The following GTF2B variants were observed in gnomAD, a reference collection of about 807,000 sequenced individuals.
The protein encoded by GTF2B is general transcription factor IIB, also known as transcription initiation factor IIB.
Under a neutral mutation model 34.6 loss-of-function variants are expected in GTF2B, and 20 were observed. That is an observed-to-expected ratio of 0.58 (90% CI 0.41 to 0.84). GTF2B has a LOEUF of 0.84. GTF2B is among the 40% of genes least tolerant of loss of function. The probability of loss-of-function intolerance (pLI) is 0.00; values close to 1 mark genes in which losing one functional copy is unlikely to be tolerated. For missense variants in GTF2B, 237 were observed against 393.3 expected, an observed-to-expected ratio of 0.60 and a Z score of 3.36; for synonymous variants, 142 against 132.4, an observed-to-expected ratio of 1.07 and a Z score of -0.50.
chr1:88,860,275 A>G lies in GTF2B; in HGVS notation c.270T>C (p.Ala90=). ...LSTMIGKGTG[A]ASFDEFGNSK... is the part of the protein sequence containing the mutation. ...AATTGCCAAATTCGTCAAAACTTGC[A>G]GCTCCTGTGCCCTATAAAACAGTTT... The change falls in exon 4 of 7, where the codon GCT becomes GCC. Residue 90 remains alanine, a synonymous_variant. Transcript: ENST00000370500. The G allele has an allele frequency of 6.2e-7, 1 of 1,614,008 alleles. No individual in the cohort carries two copies. The highest frequency in any genetic ancestry group is 8.5e-7 in the Non-Finnish European group (1 of 1,179,906).
Position 88,863,993 on chromosome 1 carries a change from G to A in GTF2B, c.246C>T (p.Thr82=). Residue 82 remains threonine, a synonymous_variant, in exon 3 of 7, where the codon ACC becomes ACT. Transcript: ENST00000370500. ...NPLLSDGDLS[T]MIGKGTGAAS... ...ATGGACTTATTACCTTGCCAATCAT[G>A]GTAGACAAATCTCCATCACTCAGAA... 1 of 1,613,608 alleles carries A rather than the reference G, an allele frequency of 6.2e-7. No individual in the cohort carries two copies. Among genetic ancestry groups the A allele is most frequent in the Non-Finnish European group, 8.5e-7 (1 of 1,179,572 alleles).
chr1:88,868,955 G>C lies in GTF2B; in HGVS notation c.125-4841C>G, dbSNP rs537603382. On this transcript the variant is annotated intron_variant, in intron 2 of 6. Transcript: ENST00000370500. The stretch of plus-strand genomic sequence containing the variant: ...AGGGTTTCAGCGTGTTAACCAGGAT[G>C]GTCTCGATCTCCTGACCTCGTGATC... Among the ~76,000 whole-genome samples, 6 of 152,136 alleles carry C rather than the reference G, an allele frequency of 3.9e-5. No homozygotes were observed. In the East Asian group the frequency reaches 1.2e-3, roughly 29 times the overall value.
intron 6 of GTF2B, among the ~76,000 whole-genome samples, chr1:88,856,267 A>AAAAAC (rs1223889932): frequency 2.0e-5 from 2 of 102,288 alleles, no homozygotes; most frequent in Admixed American, 9.9e-5. Flanking sequence ...AGACTGTTTC[A>AAAAAC]AAAACAAAAA....
intron 3 of GTF2B, among the ~76,000 whole-genome samples, chr1:88,861,367 T>C (rs181789089): frequency 6.6e-6 from 1 of 152,274 alleles, no homozygotes; most frequent in East Asian, 1.9e-4. Flanking sequence ...GTGAGAATAT[T>C]AAATATTAAA....
intron 6 of GTF2B, 87 bp downstream of exon 6, chr1:88,857,119 A>G: frequency 7.9e-7 from 1 of 1,263,032 alleles, no homozygotes; most frequent in Admixed American, 2.1e-5. Context: ...GTTTCTTGCT[A>G]TTTACCCGGT....
At chr1:88,873,850 C>T (rs1267572169) in intron 2 of GTF2B, among the ~76,000 whole-genome samples, 1 of 152,142 alleles carries the variant, frequency 6.6e-6, no homozygotes, top group Non-Finnish European at 1.5e-5. Flanking sequence ...ACATGGCGTA[C>T]CTAGCTACAA....
At chr1:88,871,082 A>C (rs1179465878) in intron 2 of GTF2B, among the ~76,000 whole-genome samples, 1 of 151,770 alleles carries the variant, frequency 6.6e-6, no homozygotes, top group African/African-American at 2.4e-5. Flanking sequence ...TTGTATTTTT[A>C]GTAGAGACGG....
chr1:88,884,925 A>C (rs935991462), intron 2 of GTF2B, among the ~76,000 whole-genome samples: 1 of 152,260 alleles, frequency 6.6e-6, no homozygotes, highest in Non-Finnish European at 1.5e-5. Flanking sequence ...ATGGTAATAA[A>C]AACAAATAAA....
intron 2 of GTF2B, among the ~76,000 whole-genome samples, chr1:88,870,776 T>C (rs963910435): frequency 6.6e-6 from 1 of 152,194 alleles, no homozygotes; most frequent in South Asian, 2.1e-4. Flanking sequence ...TTCAACATTA[T>C]GCATACAACT....
chr1:88,890,478 T>TA (rs1380910366), intron 1 of GTF2B, among the ~76,000 whole-genome samples: 3 of 152,214 alleles, frequency 2.0e-5, no homozygotes, highest in African/African-American at 7.2e-5. Context: ...CCACAGATGA[T>TA]AGCAGGGTCA....
intron 2 of GTF2B, among the ~76,000 whole-genome samples, chr1:88,881,850 T>C (rs1488285265): frequency 6.6e-6 from 1 of 152,180 alleles, no homozygotes; most frequent in African/African-American, 2.4e-5. Context: ...TGGTTTGATA[T>C]AGCAGAAAAG....
chr1:88,889,912 T>C (rs7524858), intron 1 of GTF2B, among the ~76,000 whole-genome samples: 17,682 of 151,994 alleles, frequency 0.12, 2,479 homozygotes, highest in African/African-American at 0.34. Flanking sequence ...ACGTGGTGTG[T>C]ACCTATGGTC....
chr1:88,882,082 G>A (rs570819725), intron 2 of GTF2B, among the ~76,000 whole-genome samples: 18 of 152,194 alleles, frequency 1.2e-4, no homozygotes, highest in African/African-American at 4.1e-4. Flanking sequence ...GGTCGAGGCA[G>A]GTGGAACACT....
At chr1:88,884,764 C>T (rs958635476) in intron 2 of GTF2B, among the ~76,000 whole-genome samples, 1 of 152,210 alleles carries the variant, frequency 6.6e-6, no homozygotes, top group African/African-American at 2.4e-5. Flanking sequence ...TCCACGCTTA[C>T]TGTATTCTTT....
At chr1:88,874,502 T>A (rs1053943873) in intron 2 of GTF2B, among the ~76,000 whole-genome samples, 2 of 119,862 alleles carry the variant, frequency 1.7e-5, no homozygotes, top group African/African-American at 3.8e-5. Flanking sequence ...ATTAAATTTT[T>A]TTTTTTTTTT....
Position 88,887,572 on chromosome 1 carries a change from A to C in GTF2B, c.18-205T>G. On this transcript the variant is annotated intron_variant, in intron 1 of 6. Transcript: ENST00000370500. ...GTAACTGGCAAGTAGTTTCCACTGG[A>C]ATTCTTATTTTATTGTGGAAGGCTT... The C allele has an allele frequency of 4.1e-6, 2 of 483,496 alleles. 1 individual carries two copies. Among genetic ancestry groups the C allele is most frequent in the South Asian group, 4.3e-5 (2 of 45,988 alleles). The allele number at this position is 483,496 out of a possible 1,614,324, so 30.0% of individuals were successfully genotyped here. A position where few individuals can be genotyped will look rare whatever the true frequency, so the allele number is the denominator to read the frequency against.
intron 3 of GTF2B, among the ~76,000 whole-genome samples, chr1:88,860,559 T>TA (rs1285515791): frequency 6.6e-6 from 1 of 152,010 alleles, no homozygotes; most frequent in African/African-American, 2.4e-5. Context: ...AGAAATATGA[T>TA]AAAAAATATT....
At chr1:88,860,317 T>A (rs771289440) in intron 3 of GTF2B, 31 bp from the exon 4 acceptor site, 10 of 1,566,610 alleles carry the variant, frequency 6.4e-6, no homozygotes, top group South Asian at 1.2e-5. Context: ...TATGAAAAAA[T>A]TTTTTGGAAA....
chr1:88,886,713 G>A (rs17431306), intron 2 of GTF2B, among the ~76,000 whole-genome samples: 3,927 of 152,030 alleles, frequency 0.026, 73 homozygotes, highest in Non-Finnish European at 0.042. Context: ...GGGCCTTTTC[G>A]TTTCTTCTGG....
Sources: gnomAD v4.1 joint callset for allele counts (sites outside exome capture counted in the v4.1 genomes callset) on GRCh38, gnomAD v4.1.1 for gene constraint, MANE v1.5 for transcripts, NCBI Gene and HGNC (gene_info 2026-07-23, HGNC 2026-07-21) for gene names.